Variants in PSTPIP2 observed in about 807,000 individuals in gnomAD.
The protein encoded by PSTPIP2 is proline-serine-threonine phosphatase interacting protein 2.
PSTPIP2 carries 33 observed loss-of-function variants against 63.3 expected under a neutral mutation model. The ratio of observed to expected loss-of-function variants is 0.52; its 90% CI spans 0.40 to 0.70. PSTPIP2 has a LOEUF of 0.70. Ranked by LOEUF, PSTPIP2 falls within the 30% of genes least tolerant of loss-of-function variation. The pLI is 0.00. For missense variants in PSTPIP2, 312 were observed against 400.7 expected (o/e 0.78, Z 1.89); for synonymous variants, 125 against 132.7 (o/e 0.94, Z 0.40).
At position 45,991,977 on chromosome 18, in the gene PSTPIP2, A is replaced by G; in HGVS notation, c.845T>C (p.Ile282Thr). The part of the protein sequence containing the change: ...RKTGQIPPAP[I>T]MYENFYSSQK... ...GGAGGAGTAGAAATTCTCATACATG[A>G]TGGGTGCTAGGAGAGTCACCAAGAA... Residue 282 changes from isoleucine (I) to threonine (T), a missense_variant, in exon 12 of 15, where the codon ATC (isoleucine) becomes ACC (threonine). Physicochemically the swap from Ile to Thr is moderately conservative, Grantham distance 89. Transcript: ENST00000409746. The G allele has an allele frequency of 6.2e-7, 1 of 1,612,804 alleles. No homozygotes were observed. The highest frequency in any genetic ancestry group is 8.5e-7 in the Non-Finnish European group (1 of 1,178,834).
In PSTPIP2 at chr18:45,988,435, G is replaced by GAAAAAAAAAAAA. The variant is rs548829215; in HGVS notation, c.*8+266_*8+267insTTTTTTTTTTTT. Among the ~76,000 whole-genome samples the GAAAAAAAAAAAA allele has an allele frequency of 1.4e-3, 184 of 128,524 alleles. 9 individuals are homozygous for GAAAAAAAAAAAA. The highest frequency in any genetic ancestry group is 0.011 in the Middle Eastern group (3 of 264). 84.3% of individuals were successfully genotyped at this position (128,524 alleles called of 152,430 possible). A position where few individuals can be genotyped will look rare whatever the true frequency, so the allele number is the denominator to read the frequency against. On this transcript the variant is annotated intron_variant, in intron 14 of 14. Coordinates refer to ENST00000409746, the MANE Select transcript of PSTPIP2 (RefSeq NM_024430.4). ...GGGTGACACAGCGAGACTCTGCTTC[G>GAAAAAAAAAAAA]AAAAAAAAAAGCAGATAAAGAGTTA...
intron 2 of PSTPIP2, among the ~76,000 whole-genome samples, chr18:46,036,137 T>C (rs1907969475): frequency 6.7e-6 from 1 of 148,796 alleles, no homozygotes; most frequent in South Asian, 2.1e-4. Context: ...ATTTAATTAA[T>C]ATTAATTAAT....
At chr18:46,058,726 G>T (rs986124797) in intron 1 of PSTPIP2, among the ~76,000 whole-genome samples, 1 of 152,198 alleles carries the variant, frequency 6.6e-6, no homozygotes, top group African/African-American at 2.4e-5. Flanking sequence ...TCCATAGGCG[G>T]TTCTCTCTGC....
rs750025542 is a variant in PSTPIP2 at position 46,005,512 on chromosome 18, G to A, written c.374C>T (p.Ala125Val). 4 of 1,598,406 alleles carry A rather than the reference G, an allele frequency of 2.5e-6. No homozygotes were observed. The highest frequency in any genetic ancestry group is 3.4e-5 in the Admixed American group (2 of 59,542). Residue 125 changes from alanine (A) to valine (V), a missense_variant, in exon 6 of 15, where the codon GCT becomes GTT. Physicochemically the swap from Ala to Val is moderately conservative, Grantham distance 64 (BLOSUM62 0). Coordinates refer to ENST00000409746, the MANE Select transcript of PSTPIP2 (RefSeq NM_024430.4). ...QRKKTELIMD[A>V]IHKQKSLQFK... ...TTGTAAGCTCTTTTGTTTATGGATAGCATCCATTATGAGCTCTGTCTGTAA... is the reference window on the plus strand; with the variant it reads ...TTGTAAGCTCTTTTGTTTATGGATAACATCCATTATGAGCTCTGTCTGTAA...
chr18:46,067,927 A>G (rs1362781745), intron 1 of PSTPIP2, among the ~76,000 whole-genome samples: 1 of 152,162 alleles, frequency 6.6e-6, no homozygotes, highest in East Asian at 1.9e-4. Context: ...GCAACAATCT[A>G]AACATTGTAC....
At position 46,036,008 on chromosome 18, in the gene PSTPIP2, G is replaced by GA. The variant is rs200519107; in HGVS notation, c.134+3938_134+3939insT. Among the ~76,000 whole-genome samples, 711 of 151,824 alleles carry GA rather than the reference G, an allele frequency of 4.7e-3. 11 individuals carry two copies. The highest frequency in any genetic ancestry group is 0.029 in the Admixed American group (448 of 15,238). ...GTTGTGCTTTTCCAGCTGACAGAAG[G>GA]GTAAACTAGATAAATTTACAATTTA... On this transcript the variant is annotated intron_variant, in intron 2 of 14. Transcript: ENST00000409746.
intron 4 of PSTPIP2, among the ~76,000 whole-genome samples, chr18:46,015,678 T>A (rs563755496): frequency 6.6e-6 from 1 of 152,226 alleles, no homozygotes; most frequent in Admixed American, 6.5e-5. Flanking sequence ...CTCATGCAAG[T>A]GTGAGAAGCA....
At chr18:46,052,785 A>G (rs557265629) in intron 1 of PSTPIP2, among the ~76,000 whole-genome samples, 6 of 152,366 alleles carry the variant, frequency 3.9e-5, no homozygotes, top group African/African-American at 1.4e-4. Context: ...TTCATTATCG[A>G]TGAATCAGAA....
intron 9 of PSTPIP2, among the ~76,000 whole-genome samples, chr18:45,996,999 G>A (rs919131082): frequency 1.3e-5 from 2 of 152,078 alleles, no homozygotes; most frequent in Non-Finnish European, 2.9e-5. Context: ...TATTGAGGCC[G>A]GGCTCTCCAA....
chr18:45,991,135 A>G (rs2144058499), intron 12 of PSTPIP2, among the ~76,000 whole-genome samples: 1 of 152,298 alleles, frequency 6.6e-6, no homozygotes, highest in African/African-American at 2.4e-5. Flanking sequence ...GGTAATTCAC[A>G]CTAACTGTTT....
chr18:45,997,909 G>A, intron 8 of PSTPIP2, 81 bp from the exon 9 acceptor site: 1 of 1,264,350 alleles, frequency 7.9e-7, no homozygotes, highest in Non-Finnish European at 1.1e-6. Context: ...GGTCTCAGAT[G>A]GCAAAAGAAA....
intron 1 of PSTPIP2, among the ~76,000 whole-genome samples, chr18:46,057,575 C>T (rs1367885628): frequency 1.3e-5 from 2 of 152,014 alleles, no homozygotes; most frequent in Non-Finnish European, 2.9e-5. Flanking sequence ...GGTGATCCAC[C>T]CACCTCCATC....
At chr18:46,010,460 C>G (rs674457) in intron 5 of PSTPIP2, among the ~76,000 whole-genome samples, 84,940 of 151,974 alleles carry the variant, frequency 0.56, 24,035 homozygotes, top group East Asian at 0.82. Flanking sequence ...AAAAAATTCT[C>G]TAAGGACCCT....
intron 1 of PSTPIP2, among the ~76,000 whole-genome samples, chr18:46,049,025 TG>T (rs1908485651): frequency 1.4e-5 from 2 of 144,820 alleles, no homozygotes; most frequent in African/African-American, 5.3e-5. Flanking sequence ...TGTGTGTGTG[TG>T]TGTGTGTGTG....
At chr18:46,065,745 G>A (rs942134149) in intron 1 of PSTPIP2, among the ~76,000 whole-genome samples, 4 of 151,982 alleles carry the variant, frequency 2.6e-5, no homozygotes, top group South Asian at 4.2e-4. Context: ...GATTACAGGC[G>A]TAAGCCACCG....
rs111643500 is a variant in PSTPIP2, at chr18:46,011,478, G to T, written c.248-191C>A. On this transcript the variant is annotated intron_variant, in intron 4 of 14. Coordinates refer to ENST00000409746, the MANE Select transcript of PSTPIP2 (RefSeq NM_024430.4). Reference sequence around the variant, plus strand: ...CATAGCCCTGGCCACCAGGATCAAAGCTAGAAGATCTTTAGCTTAGCCTCC... The same window carrying T: ...CATAGCCCTGGCCACCAGGATCAAATCTAGAAGATCTTTAGCTTAGCCTCC... Among the ~76,000 whole-genome samples the T allele has an allele frequency of 2.1e-3, 327 of 152,272 alleles. 3 individuals carry two copies. Among genetic ancestry groups the T allele is most frequent in the Middle Eastern group, 0.01 (3 of 294 alleles).
At chr18:46,001,070 C>T (rs2051660510) in intron 6 of PSTPIP2, among the ~76,000 whole-genome samples, 1 of 152,046 alleles carries the variant, frequency 6.6e-6, no homozygotes, top group South Asian at 2.1e-4. Context: ...TGAAATAAAC[C>T]CTTTGATCTA....
At chr18:46,001,418 C>T (rs1014519700) in intron 6 of PSTPIP2, among the ~76,000 whole-genome samples, 3 of 152,090 alleles carry the variant, frequency 2.0e-5, no homozygotes, top group Admixed American at 6.6e-5. Flanking sequence ...TACTCAGATC[C>T]GTTGCCCATT....
intron 1 of PSTPIP2, among the ~76,000 whole-genome samples, chr18:46,050,621 A>C (rs1352858888): frequency 6.6e-6 from 1 of 152,208 alleles, no homozygotes; most frequent in Non-Finnish European, 1.5e-5. Context: ...TCAGCAATAA[A>C]GATTATTTAA....
Sources: gnomAD v4.1 joint callset for allele counts (sites outside exome capture counted in the v4.1 genomes callset) on GRCh38, gnomAD v4.1.1 for gene constraint, MANE v1.5 for transcripts, NCBI Gene and HGNC (gene_info 2026-07-23, HGNC 2026-07-21) for gene names.